The following NPR3 variants were observed in gnomAD, a reference collection of about 807,000 sequenced individuals.
The protein encoded by NPR3 is atrial natriuretic peptide receptor 3.
In NPR3, 34 loss-of-function variants were observed where a neutral mutation model predicts 54.5. The observed-to-expected ratio is 0.62, with a 90% confidence interval of 0.47 to 0.83. NPR3 has a LOEUF of 0.83. Among genes scored for constraint, NPR3 ranks in the 40% least tolerant of loss-of-function variants. The probability of loss-of-function intolerance (pLI) is 0.00; values close to 1 mark genes in which losing one functional copy is unlikely to be tolerated. For missense variants in NPR3, 674 were observed against 720.8 expected (o/e 0.94, Z 0.74); for synonymous variants, 289 against 297.1 (o/e 0.97, Z 0.28).
rs181385752 is a variant in NPR3 at position 32,782,440 on chromosome 5, C to T, written c.1291-453C>T. The stretch of plus-strand genomic sequence containing the variant: ...CAGATGGGTGGGATAGTGCCTTATC[C>T]GATGAACAAAGCAAAAGCCGGGAAT... On this transcript the variant is annotated intron_variant, in intron 5 of 7. Coordinates refer to ENST00000265074, the MANE Select transcript of NPR3 (RefSeq NM_001204375.2). Among the ~76,000 whole-genome samples, 5 of 152,170 alleles carry T rather than the reference C, an allele frequency of 3.3e-5. No homozygotes were observed. The Middle Eastern group carries it at 0.01, about 311-fold the overall frequency.
Position 32,784,799 on chromosome 5 carries a change from G to A in NPR3, c.1430G>A (p.Gly477Asp), listed in dbSNP as rs1281659931. Residue 477 changes from glycine to aspartate, a missense_variant, in exon 7 of 8, where the codon GGT (glycine) becomes GAT (aspartate). Physicochemically the swap from Gly to Asp is moderately conservative, Grantham distance 94 (BLOSUM62 -1). Coordinates refer to ENST00000265074, the MANE Select transcript of NPR3 (RefSeq NM_001204375.2). ...TTATCCATGCTTCTTTTTCAAGCAG[G>A]TGGCCTAGAAGAATCGGCAGTGACA... ...HTNSSPCKSS[G>D]GLEESAVTGI... The A allele has an allele frequency of 7.4e-6, 12 of 1,612,840 alleles. No individual in the cohort carries two copies. Among genetic ancestry groups the A allele is most frequent in the Non-Finnish European group, 9.3e-6 (11 of 1,179,118 alleles).
At chr5:32,714,175 G>T (rs1738420440) in intron 1 of NPR3, among the ~76,000 whole-genome samples, 1 of 152,010 alleles carries the variant, frequency 6.6e-6, no homozygotes, top group Non-Finnish European at 1.5e-5. Context: ...GGCTGGGACT[G>T]GGGGTGTGTC....
At chr5:32,751,310 T>C (rs1163219374) in intron 3 of NPR3, among the ~76,000 whole-genome samples, 4 of 152,206 alleles carry the variant, frequency 2.6e-5, no homozygotes, top group African/African-American at 9.6e-5. Flanking sequence ...TATAAACTTG[T>C]TGAAAGGGCC....
intron 3 of NPR3, among the ~76,000 whole-genome samples, chr5:32,773,542 A>C (rs16890295): frequency 0.043 from 6,606 of 152,188 alleles, 433 homozygotes; most frequent in African/African-American, 0.14. Context: ...TTCCCAAAAT[A>C]CACCAGGCTG....
At chr5:32,716,368 C>CTTTTT in intron 1 of NPR3, 1 of 404,122 alleles carries the variant, frequency 2.5e-6, no homozygotes, top group African/African-American at 2.1e-5. Flanking sequence ...TAACATGCTA[C>CTTTTT]TTTTTTTTTT....
At chr5:32,706,876 C>T (rs977153228), upstream of NPR3, among the ~76,000 whole-genome samples, 10 of 152,130 alleles carry the variant, frequency 6.6e-5, no homozygotes, top group Non-Finnish European at 1.0e-4. Flanking sequence ...TTGGGATCAC[C>T]ACTCAGAAGA....
chr5:32,731,052 G>A (rs1304226853), intron 2 of NPR3, among the ~76,000 whole-genome samples: 1 of 152,174 alleles, frequency 6.6e-6, no homozygotes, highest in South Asian at 2.1e-4. Flanking sequence ...CAATGAGATT[G>A]AGTTTATGTA....
At position 32,724,846 on chromosome 5, in the gene NPR3, C is replaced by G. The variant is rs551764092; in HGVS notation, c.892+26C>G. On this transcript the variant is annotated intron_variant, in intron 2 of 7. Coordinates refer to ENST00000265074, the MANE Select transcript of NPR3 (RefSeq NM_001204375.2). ...GTAACTCTGCTTCCACTTTCCCCTC[C>G]TCTGCTAGGGTTCCAAGAGAGGTTG... 1.3e-5 allele frequency: 21 copies of G among 1,613,308 alleles called. No individual in the cohort carries two copies. The South Asian group carries it at 2.1e-4, about 16-fold the overall frequency.
At chr5:32,782,704 C>T (rs539274882) in intron 5 of NPR3, among the ~76,000 whole-genome samples, 189 bp from the exon 6 acceptor site, 12 of 152,184 alleles carry the variant, frequency 7.9e-5, no homozygotes, top group Non-Finnish European at 1.2e-4. Flanking sequence ...AACCGAGGAA[C>T]GTGCCCAATG....
intron 2 of NPR3, among the ~76,000 whole-genome samples, chr5:32,729,404 G>A (rs541407071): frequency 6.6e-6 from 1 of 152,238 alleles, no homozygotes; most frequent in South Asian, 2.1e-4. Context: ...TTATGTTGAT[G>A]CTCAAAAAGT....
chr5:32,768,801 T>C (rs1399405641), intron 3 of NPR3, among the ~76,000 whole-genome samples: 1 of 152,136 alleles, frequency 6.6e-6, no homozygotes, highest in Non-Finnish European at 1.5e-5. Flanking sequence ...ATGGGGACAG[T>C]TATTTGGAAA....
At chr5:32,715,805 A>G (rs1317870847) in intron 1 of NPR3, among the ~76,000 whole-genome samples, 1 of 152,242 alleles carries the variant, frequency 6.6e-6, no homozygotes. Context: ...AAATGTTTTT[A>G]TGTGAAGAAC....
chr5:32,731,605 G>A (rs1255857952), intron 2 of NPR3, among the ~76,000 whole-genome samples: 1 of 152,126 alleles, frequency 6.6e-6, no homozygotes, highest in East Asian at 1.9e-4. Flanking sequence ...ATTAGTCCTA[G>A]TTTACTTTTA....
At chr5:32,710,869 T>TTTTTTTTTTTTTTTTTTTTTC, upstream of NPR3, 1 of 1,265,766 alleles carries the variant, frequency 7.9e-7, no homozygotes, top group Non-Finnish European at 1.0e-6. Flanking sequence ...GTTTTTTTTT[T>TTTTTTTTTTTTTTTTTTTTTC]TTTTTGCACG....
intron 1 of NPR3, among the ~76,000 whole-genome samples, chr5:32,724,423 C>G (rs933416025): frequency 6.6e-6 from 1 of 152,196 alleles, no homozygotes; most frequent in African/African-American, 2.4e-5. Context: ...TAGATGTAGG[C>G]TGCCTATCTG....
At chr5:32,750,853 C>T (rs1740539025) in intron 3 of NPR3, among the ~76,000 whole-genome samples, 1 of 152,180 alleles carries the variant, frequency 6.6e-6, no homozygotes, top group African/African-American at 2.4e-5. Flanking sequence ...TTAAAAGCAA[C>T]TACAGACAAG....
Position 32,711,792 on chromosome 5 carries a change from G to A in NPR3, c.16G>A (p.Val6Met). Reference protein sequence around the residue: MPSLLVLTFSPCVLLG... With the variant: MPSLLMLTFSPCVLLG... ...TTGCGGCACGATGCCGTCTCTGCTGGTGCTCACTTTCTCCCCGTGCGTACT... is the reference window on the plus strand; with the variant it reads ...TTGCGGCACGATGCCGTCTCTGCTGATGCTCACTTTCTCCCCGTGCGTACT... Residue 6 changes from valine to methionine, a missense_variant, in exon 1 of 8, where the codon GTG becomes ATG. Transcript: ENST00000265074. The A allele has an allele frequency of 7.0e-7, 1 of 1,433,158 alleles. No individual in the cohort carries two copies. Among genetic ancestry groups the A allele is most frequent in the Non-Finnish European group, 9.2e-7 (1 of 1,092,272 alleles). 88.8% of individuals were successfully genotyped at this position (1,433,158 alleles called of 1,614,324 possible).
At chr5:32,784,275 A>G (rs1742492425) in intron 6 of NPR3, among the ~76,000 whole-genome samples, 1 of 152,036 alleles carries the variant, frequency 6.6e-6, no homozygotes, top group African/African-American at 2.4e-5. Flanking sequence ...TGCAACCTCC[A>G]CCTTCCAGGT....
At chr5:32,761,658 AT>A (rs375358280) in intron 3 of NPR3, among the ~76,000 whole-genome samples, 4,352 of 146,934 alleles carry the variant, frequency 0.03, 78 homozygotes, top group Middle Eastern at 0.092. Flanking sequence ...TATAATTTCT[AT>A]TTTTTTTTAA....
Sources: allele counts gnomAD v4.1 joint callset (sites outside exome capture counted in the v4.1 genomes callset), GRCh38; gene constraint gnomAD v4.1.1; transcripts MANE v1.5; gene names NCBI Gene and HGNC (gene_info 2026-07-23, HGNC 2026-07-21).